ARID4B: variants seen among roughly 807,000 people sequenced by gnomAD.
ARID4B encodes AT-rich interactive domain-containing protein 4B.
A neutral mutation model predicts 147.5 loss-of-function variants in ARID4B; 26 were observed. That is an observed-to-expected ratio of 0.18 (90% CI 0.13 to 0.24). ARID4B has a LOEUF of 0.24. Ranked by LOEUF, ARID4B falls within the 10% of genes least tolerant of loss-of-function variation. The pLI is 1.00. For missense variants in ARID4B, 1,179 were observed against 1,511.5 expected (o/e 0.78, Z 3.65); for synonymous variants, 512 against 507.9 (o/e 1.01, Z -0.11).
At chr1:235,280,250 T>C (rs918803141) in intron 2 of ARID4B, among the ~76,000 whole-genome samples, 15 of 152,210 alleles carry the variant, frequency 9.9e-5, no homozygotes, top group Non-Finnish European at 2.1e-4. Flanking sequence ...TTTATTTCCA[T>C]TGTCTTATTC....
intron 5 of ARID4B, among the ~76,000 whole-genome samples, chr1:235,253,715 C>A (rs1255692559): frequency 6.6e-6 from 1 of 152,120 alleles, no homozygotes; most frequent in African/African-American, 2.4e-5. Context: ...GTATTATATG[C>A]ATAAATCTGT....
chr1:235,242,013 G>A (rs1440188572), intron 7 of ARID4B, among the ~76,000 whole-genome samples: 1 of 151,640 alleles, frequency 6.6e-6, no homozygotes, highest in Non-Finnish European at 1.5e-5. Flanking sequence ...TTTGGGAGGC[G>A]AAGGCAGGTG....
At chr1:235,253,635 A>G (rs1669777933) in intron 5 of ARID4B, among the ~76,000 whole-genome samples, 1 of 152,224 alleles carries the variant, frequency 6.6e-6, no homozygotes, top group Admixed American at 6.5e-5. Flanking sequence ...AAATTTTAAT[A>G]AAAATAAAGT....
At chr1:235,314,790 G>T (rs906640604) in intron 2 of ARID4B, among the ~76,000 whole-genome samples, 4 of 151,832 alleles carry the variant, frequency 2.6e-5, no homozygotes, top group East Asian at 3.9e-4. Flanking sequence ...TTATAAATAC[G>T]TATTTATATA....
At chr1:235,205,138 T>A (rs77749749) in intron 17 of ARID4B, among the ~76,000 whole-genome samples, 1 of 151,940 alleles carries the variant, frequency 6.6e-6, no homozygotes, top group African/African-American at 2.4e-5. Flanking sequence ...AGAAAATGAG[T>A]AGAACAACTT....
At chr1:235,187,158 C>G in intron 19 of ARID4B, 1 of 308,540 alleles carries the variant, frequency 3.2e-6, no homozygotes, top group Non-Finnish European at 6.2e-6. Context: ...CTCAGCTCAC[C>G]GCAACCTCCG....
chr1:235,327,632 T>C (rs2103329329), intron 1 of ARID4B, 137 bp downstream of exon 1: 1 of 151,474 alleles, frequency 6.6e-6, no homozygotes, highest in Non-Finnish European at 1.5e-5. Flanking sequence ...GGGGTGGGGG[T>C]TCCCGGGAGG....
Position 235,202,816 on chromosome 1 carries a change from CTGGGAT to C in ARID4B, c.1842-6707_1842-6702del, listed in dbSNP as rs1386726851. 4.6e-5 allele frequency among the ~76,000 whole-genome samples: 7 copies of C among 152,054 alleles called. No homozygotes were observed. In the East Asian group the frequency reaches 1.3e-3, roughly 29 times the overall value. On this transcript the variant is annotated intron_variant, in intron 17 of 23. Transcript: ENST00000264183. The stretch of plus-strand genomic sequence containing the variant: ...TTGCCTGCCTCAGCCTCCTGAAGTG[CTGGGAT>C]TACAGGCGTGAGCCACCACACCTGG...
At chr1:235,201,155 A>G (rs762268202) in intron 17 of ARID4B, among the ~76,000 whole-genome samples, 78 of 152,258 alleles carry the variant, frequency 5.1e-4, no homozygotes, top group Non-Finnish European at 1.0e-3. Context: ...CAAAAAAAAT[A>G]AAATAAATAA....
intron 22 of ARID4B, among the ~76,000 whole-genome samples, chr1:235,174,805 AC>A (rs1459591720): frequency 6.7e-6 from 1 of 149,434 alleles, no homozygotes; most frequent in East Asian, 2.0e-4. Context: ...CGACAGAGAG[AC>A]TCTGTCTCAA....
intron 7 of ARID4B, among the ~76,000 whole-genome samples, chr1:235,242,573 T>C (rs1018536100): frequency 2.0e-5 from 3 of 152,198 alleles, no homozygotes; most frequent in Non-Finnish European, 2.9e-5. Context: ...CTATTATCAG[T>C]AGCAGCTAGA....
At chr1:235,287,922 T>G (rs1311001796) in intron 2 of ARID4B, among the ~76,000 whole-genome samples, 1 of 152,244 alleles carries the variant, frequency 6.6e-6, no homozygotes, top group Non-Finnish European at 1.5e-5. Context: ...TACAGGGACC[T>G]ATGTACAAAA....
Position 235,229,537 on chromosome 1 carries a change from T to A in ARID4B, c.743-152A>T, listed in dbSNP as rs895706554. 9 of 615,416 alleles carry A rather than the reference T, an allele frequency of 1.5e-5. No individual in the cohort carries two copies. In the African/African-American group the frequency reaches 1.7e-4, roughly 12 times the overall value. 38.1% of individuals were successfully genotyped at this position (615,416 alleles called of 1,614,324 possible). A position where few individuals can be genotyped will look rare whatever the true frequency, so the allele number is the denominator to read the frequency against. On this transcript the variant is annotated intron_variant, in intron 10 of 23. Coordinates refer to ENST00000264183, the MANE Select transcript of ARID4B (RefSeq NM_016374.6). ...TACCAGAAACTGTGTTAAGTGCTTT[T>A]AAATGTAGCAATATATTTAATCCTA...
Position 235,204,931 on chromosome 1 carries a change from A to G in ARID4B, c.1842-8816T>C, listed in dbSNP as rs192866278. Among the ~76,000 whole-genome samples the G allele has an allele frequency of 1.9e-4, 29 of 152,332 alleles. No individual in the cohort carries two copies. The East Asian group carries it at 5.0e-3, about 26-fold the overall frequency. ...CTGAATTATCATCTTTTTTTCATGA[A>G]GGAAATGTTTATGTTCATTTGTACT... On this transcript the variant is annotated intron_variant, in intron 17 of 23. Coordinates refer to ENST00000264183, the MANE Select transcript of ARID4B (RefSeq NM_016374.6).
intron 4 of ARID4B, 119 bp from the exon 5 acceptor site, chr1:235,255,869 T>C: frequency 1.5e-6 from 1 of 651,872 alleles, no homozygotes; most frequent in Non-Finnish European, 2.6e-6. Flanking sequence ...ACTATTGACT[T>C]CATTTAAAAG....
intron 7 of ARID4B, among the ~76,000 whole-genome samples, chr1:235,241,025 A>T (rs1668948369): frequency 6.6e-6 from 1 of 152,224 alleles, no homozygotes; most frequent in South Asian, 2.1e-4. Flanking sequence ...ATTAAAAGAA[A>T]AACAGAAAAT....
At chr1:235,208,726 G>A (rs1052232349) in intron 17 of ARID4B, among the ~76,000 whole-genome samples, 11 of 151,372 alleles carry the variant, frequency 7.3e-5, no homozygotes, top group African/African-American at 1.9e-4. Context: ...GGCTGGTCTC[G>A]AACTGGTCTC....
chr1:235,183,352 G>A (rs1664450572), intron 19 of ARID4B, among the ~76,000 whole-genome samples: 2 of 152,004 alleles, frequency 1.3e-5, no homozygotes, highest in Admixed American at 6.5e-5. Context: ...GGGACTACAG[G>A]CGCCCACCAC....
intron 11 of ARID4B, among the ~76,000 whole-genome samples, chr1:235,227,925 C>T (rs984611950): frequency 7.3e-5 from 11 of 151,174 alleles, no homozygotes; most frequent in Admixed American, 1.3e-4. Flanking sequence ...CTCCGCCTCC[C>T]GGGTTCAAGC....
Sources: gnomAD v4.1 joint callset for allele counts (sites outside exome capture counted in the v4.1 genomes callset) on GRCh38, gnomAD v4.1.1 for gene constraint, MANE v1.5 for transcripts, NCBI Gene and HGNC (gene_info 2026-07-23, HGNC 2026-07-21) for gene names.